The following EPHX1 variants were observed in gnomAD, a reference collection of about 807,000 sequenced individuals.
EPHX1 encodes epoxide hydratase.
Under a neutral mutation model 43.2 loss-of-function variants are expected in EPHX1, and 40 were observed. The observed-to-expected ratio is 0.93, with a 90% CI of 0.72 to 1.21. The LOEUF (loss-of-function observed/expected upper bound fraction) is 1.21, where lower values mean the gene tolerates loss of function less well. EPHX1 is among the 50% of genes most tolerant of loss of function. The pLI is 0.00. For missense variants in EPHX1, 550 were observed against 570.4 expected (o/e 0.96, Z 0.36); for synonymous variants, 221 against 226.7 (o/e 0.98, Z 0.22).
At chr1:225,814,536 GTC>G (rs1418818953) in intron 1 of EPHX1, among the ~76,000 whole-genome samples, 1 of 152,252 alleles carries the variant, frequency 6.6e-6, no homozygotes, top group Non-Finnish European at 1.5e-5. Context: ...TGTTCTGAGT[GTC>G]TCTGCCACGG....
At chr1:225,813,771 T>C (rs1666594374) in intron 1 of EPHX1, among the ~76,000 whole-genome samples, 1 of 152,190 alleles carries the variant, frequency 6.6e-6, no homozygotes, top group South Asian at 2.1e-4. Context: ...TGTCTGTGTC[T>C]TTCCGTCTGT....
chr1:225,820,919 G>T (rs1002915398), intron 1 of EPHX1, among the ~76,000 whole-genome samples: 2 of 152,016 alleles, frequency 1.3e-5, no homozygotes, highest in Non-Finnish European at 2.9e-5. Context: ...GTTAGTCCTG[G>T]TGCCTGCACA....
Position 225,838,618 on chromosome 1 carries a change from C to T in EPHX1, c.365-36C>T, listed in dbSNP as rs750987129. ...AGAGCCTGACCGTGCAGGGTCTTCT[C>T]TCTCCCTCCACCCTGACTGTGCTCT... On this transcript the variant is annotated intron_variant, in intron 3 of 8. Coordinates refer to ENST00000272167, the MANE Select transcript of EPHX1 (RefSeq NM_001136018.4). The T allele has an allele frequency of 3.2e-6, 5 of 1,581,622 alleles. No individual in the cohort carries two copies. In the Admixed American group the frequency reaches 8.3e-5, roughly 26 times the overall value.
intron 1 of EPHX1, among the ~76,000 whole-genome samples, chr1:225,820,524 G>A (rs1281006391): frequency 3.3e-5 from 5 of 152,160 alleles, no homozygotes; most frequent in Non-Finnish European, 7.3e-5. Context: ...AGATAGTATA[G>A]TAATAAATGA....
intron 8 of EPHX1, 98 bp downstream of exon 8, chr1:225,844,721 T>A (rs1668783482): frequency 6.4e-7 from 1 of 1,556,788 alleles, no homozygotes; most frequent in Non-Finnish European, 8.7e-7. Flanking sequence ...GTGGGATAAG[T>A]ATAGCCTTGC....
intron 1 of EPHX1, among the ~76,000 whole-genome samples, chr1:225,811,574 C>T (rs1287112621): frequency 6.6e-6 from 1 of 152,212 alleles, no homozygotes; most frequent in Admixed American, 6.5e-5. Flanking sequence ...TACCACTGTG[C>T]AGCCTCCTCT....
chr1:225,834,129 G>A (rs113519775), intron 3 of EPHX1, among the ~76,000 whole-genome samples: 11 of 133,664 alleles, frequency 8.2e-5, no homozygotes, highest in African/African-American at 2.3e-4. Context: ...AAAAAAAGCC[G>A]GGTGCGGTGG....
intron 1 of EPHX1, among the ~76,000 whole-genome samples, chr1:225,819,360 C>G (rs1666880599): frequency 6.6e-6 from 1 of 151,912 alleles, no homozygotes; most frequent in South Asian, 2.1e-4. Flanking sequence ...CGAGATCGTG[C>G]CACTGCACTC....
At position 225,838,710 on chromosome 1, in the gene EPHX1, C is replaced by G; in HGVS notation, c.421C>G (p.Pro141Ala). Reference protein sequence around the residue: ...KPPQLPAGHTPKPLLMVHGWP... With the variant: ...KPPQLPAGHTAKPLLMVHGWP... The stretch of plus-strand genomic sequence containing the variant: ...CCCCCAGCTGCCCGCAGGCCATACC[C>G]CGAAGCCCTTGCTGATGGTGCACGG... The change falls in exon 4 of 9, where the codon CCG becomes GCG. Residue 141 changes from proline to alanine, a missense_variant. Pro to Ala is a conservative substitution (Grantham distance 27). Transcript: ENST00000272167. The G allele has an allele frequency of 6.2e-7, 1 of 1,614,158 alleles. No homozygotes were observed.
chr1:225,828,926 G>A lies in EPHX1; in HGVS notation c.183+14G>A. The stretch of plus-strand genomic sequence containing the variant: ...GAGGAGATCCACGTAAGGCACCTTG[G>A]GCCGGGCCGGGCTGGGCAGTGGAGA... On this transcript the variant is annotated intron_variant, in intron 2 of 8. Coordinates refer to ENST00000272167, the MANE Select transcript of EPHX1 (RefSeq NM_001136018.4). 1 of 1,557,712 alleles carries A rather than the reference G, an allele frequency of 6.4e-7. No individual in the cohort carries two copies. Among genetic ancestry groups the A allele is most frequent in the African/African-American group, 1.4e-5 (1 of 73,462 alleles).
At chr1:225,823,789 G>A (rs1667095246) in intron 1 of EPHX1, among the ~76,000 whole-genome samples, 1 of 152,084 alleles carries the variant, frequency 6.6e-6, no homozygotes, top group Non-Finnish European at 1.5e-5. Context: ...TCTGGGCGAT[G>A]TTCGCTTTCA....
chr1:225,815,553 G>A (rs1023615164), intron 1 of EPHX1, among the ~76,000 whole-genome samples: 4 of 151,806 alleles, frequency 2.6e-5, no homozygotes, highest in Non-Finnish European at 4.4e-5. Context: ...GCACCCGGTC[G>A]AGATGGAACA....
chr1:225,844,962 T>G (rs905562985), intron 8 of EPHX1, among the ~76,000 whole-genome samples, 184 bp from the exon 9 acceptor site: 2 of 152,050 alleles, frequency 1.3e-5, no homozygotes, highest in Non-Finnish European at 2.9e-5. Context: ...TGGGTGGCCC[T>G]CCCAGAAAAG....
chr1:225,845,045 G>A (rs748227782), intron 8 of EPHX1, 101 bp from the exon 9 acceptor site: 8 of 1,245,696 alleles, frequency 6.4e-6, no homozygotes, highest in Non-Finnish European at 9.4e-6. Flanking sequence ...CTTGTGGGTG[G>A]GCCAGCTGAT....
chr1:225,829,182 G>C (rs1667435149), intron 2 of EPHX1, among the ~76,000 whole-genome samples: 1 of 152,136 alleles, frequency 6.6e-6, no homozygotes, highest in Non-Finnish European at 1.5e-5. Flanking sequence ...TGTATCAAAG[G>C]TCACAGAAAG....
At chr1:225,812,818 C>CA (rs1277436894) in intron 1 of EPHX1, among the ~76,000 whole-genome samples, 5 of 152,180 alleles carry the variant, frequency 3.3e-5, no homozygotes, top group African/African-American at 9.7e-5. Context: ...CACTCGGGGA[C>CA]AGAGTGGGCA....
At chr1:225,837,984 C>T (rs1261722343) in intron 3 of EPHX1, among the ~76,000 whole-genome samples, 1 of 152,212 alleles carries the variant, frequency 6.6e-6, no homozygotes, top group Non-Finnish European at 1.5e-5. Context: ...ATCTACTGCT[C>T]AGGAGAACTG....
At chr1:225,826,958 C>T (rs1667277259) in intron 1 of EPHX1, among the ~76,000 whole-genome samples, 1 of 152,062 alleles carries the variant, frequency 6.6e-6, no homozygotes, top group Non-Finnish European at 1.5e-5. Flanking sequence ...GGGTGCCAAG[C>T]TGATTTTCCT....
chr1:225,828,437 G>A (rs1450139481), intron 1 of EPHX1, among the ~76,000 whole-genome samples: 1 of 151,584 alleles, frequency 6.6e-6, no homozygotes, highest in African/African-American at 2.4e-5. Context: ...ATTTTCCCAG[G>A]ATGATGAACA....
Sources: gnomAD v4.1 joint callset for allele counts (sites outside exome capture counted in the v4.1 genomes callset) on GRCh38, gnomAD v4.1.1 for gene constraint, MANE v1.5 for transcripts, NCBI Gene and HGNC (gene_info 2026-07-23, HGNC 2026-07-21) for gene names.